The following KAZN variants were observed in gnomAD, a reference collection of about 807,000 sequenced individuals.
The protein encoded by KAZN is kazrin, periplakin interacting protein.
In KAZN, 40 loss-of-function variants were observed where a neutral mutation model predicts 87.4. The observed-to-expected ratio is 0.46, with a 90% CI of 0.36 to 0.60. KAZN has a LOEUF of 0.60. Ranked by LOEUF, KAZN falls within the 20% of genes least tolerant of loss-of-function variation. The probability of loss-of-function intolerance (pLI) is 0.00; values close to 1 mark genes in which losing one functional copy is unlikely to be tolerated. For missense variants in KAZN, 898 were observed against 1,073.9 expected, an observed-to-expected ratio of 0.84 and a Z score of 2.29; for synonymous variants, 466 against 458.3, an observed-to-expected ratio of 1.02 and a Z score of -0.22.
intron 1 of KAZN, among the ~76,000 whole-genome samples, chr1:14,121,297 A>T (rs939762137): frequency 5.9e-5 from 9 of 152,250 alleles, no homozygotes; most frequent in African/African-American, 2.2e-4. Flanking sequence ...CAGCTAACTC[A>T]TCACTACGGT....
chr1:14,560,201 A>T (rs1243443932), intron 2 of KAZN, among the ~76,000 whole-genome samples: 1 of 152,192 alleles, frequency 6.6e-6, no homozygotes, highest in Non-Finnish European at 1.5e-5. Context: ...ATCCCAAAGT[A>T]TGACAATTAG....
intron 2 of KAZN, among the ~76,000 whole-genome samples, chr1:15,014,883 T>C (rs1192952847): frequency 6.6e-6 from 1 of 152,130 alleles, no homozygotes; most frequent in Non-Finnish European, 1.5e-5. Flanking sequence ...CCAGTTGTTT[T>C]CTCGGGTCAT....
chr1:14,571,195 A>G (rs1674842792), intron 2 of KAZN, among the ~76,000 whole-genome samples: 1 of 151,654 alleles, frequency 6.6e-6, no homozygotes, highest in African/African-American at 2.4e-5. Context: ...AGAATTCAAA[A>G]CTAAGAACTG....
intron 1 of KAZN, among the ~76,000 whole-genome samples, chr1:14,629,559 C>T (rs1316799304): frequency 6.6e-6 from 1 of 152,218 alleles, no homozygotes; most frequent in African/African-American, 2.4e-5. Context: ...TTCTTTGCTC[C>T]CTCCGGTTTC....
chr1:14,182,475 C>T (rs531971655), intron 2 of KAZN, among the ~76,000 whole-genome samples: 17 of 152,174 alleles, frequency 1.1e-4, no homozygotes, highest in Admixed American at 7.2e-4. Context: ...CTTCTAAAAC[C>T]GCTAACTTTT....
intron 1 of KAZN, among the ~76,000 whole-genome samples, chr1:14,028,829 T>C (rs1641197245): frequency 6.6e-6 from 1 of 152,104 alleles, no homozygotes; most frequent in Admixed American, 6.5e-5. Context: ...CTGCATAGTA[T>C]TCCATGGTGT....
intron 1 of KAZN, among the ~76,000 whole-genome samples, chr1:14,117,716 C>G (rs1644658725): frequency 6.6e-6 from 1 of 152,168 alleles, no homozygotes; most frequent in Non-Finnish European, 1.5e-5. Flanking sequence ...GGCCATGTCA[C>G]TTAGCCTCTC....
At chr1:14,399,499 C>G (rs903124331) in intron 2 of KAZN, among the ~76,000 whole-genome samples, 6 of 147,084 alleles carry the variant, frequency 4.1e-5, no homozygotes, top group African/African-American at 1.5e-4. Context: ...AAAAAGACAT[C>G]TAGGACTCTC....
chr1:15,048,106 G>A (rs893720063), intron 4 of KAZN, among the ~76,000 whole-genome samples: 5 of 152,198 alleles, frequency 3.3e-5, no homozygotes, highest in Admixed American at 3.3e-4. Flanking sequence ...TGCCAAGTGA[G>A]GGGTGAGCAG....
chr1:15,055,198 C>T (rs4661570), intron 4 of KAZN, among the ~76,000 whole-genome samples: 16,884 of 152,188 alleles, frequency 0.11, 1,700 homozygotes, highest in East Asian at 0.6. Flanking sequence ...TTCCTGGGGC[C>T]GGGCGCAGTG....
intron 1 of KAZN, among the ~76,000 whole-genome samples, chr1:14,169,832 CAGAG>C (rs1463160034): frequency 3.3e-5 from 5 of 152,080 alleles, no homozygotes; most frequent in Non-Finnish European, 7.3e-5. Flanking sequence ...CTCCATGTGA[CAGAG>C]AGAAAAGTGA....
chr1:15,009,951 C>A (rs1005011133), intron 2 of KAZN, among the ~76,000 whole-genome samples: 7 of 145,936 alleles, frequency 4.8e-5, no homozygotes, highest in Non-Finnish European at 6.1e-5. Flanking sequence ...AGAAACATAA[C>A]CTCCAAACTA....
At chr1:14,397,029 G>C (rs1343726019) in intron 2 of KAZN, among the ~76,000 whole-genome samples, 1 of 152,090 alleles carries the variant, frequency 6.6e-6, no homozygotes, top group African/African-American at 2.4e-5. Context: ...GATTTTGAAA[G>C]TTTGTTTCTC....
rs554357831 is a variant in KAZN, at chr1:14,514,272, C to G, written c.250-84711C>G. ...CCCGGGAGGCGGAGCTTGCAGTAAG[C>G]TGAGATCGCGCCACTGCACTCCAGC... is the stretch of plus-strand genomic sequence containing the variant. On this transcript the variant is annotated intron_variant, in intron 2 of 16. Coordinates refer to the KAZN transcript ENST00000636203. Among the ~76,000 whole-genome samples, 183 of 127,704 alleles carry G rather than the reference C, an allele frequency of 1.4e-3. 1 individual carries two copies. The highest frequency in any genetic ancestry group is 5.2e-3 in the African/African-American group (176 of 33,782). 83.8% of individuals were successfully genotyped at this position (127,704 alleles called of 152,430 possible). A position where few individuals can be genotyped will look rare whatever the true frequency, so the allele number is the denominator to read the frequency against.
In KAZN at chr1:15,096,554, G is replaced by A. The variant is rs1640813567; in HGVS notation, c.1547+1621G>A. 6.6e-6 allele frequency among the ~76,000 whole-genome samples: 1 copy of A among 152,154 alleles called. No individual in the cohort carries two copies. The highest frequency in any genetic ancestry group is 6.5e-5 in the Admixed American group (1 of 15,282). On this transcript the variant is annotated intron_variant, in intron 10 of 14. Transcript: ENST00000376030. The surrounding 1 kb of genome is among the most constrained non-coding windows in gnomAD (Gnocchi z 4.5). ...AATGGGGCTGTCTTAGTCTGCTTGG[G>A]CTGCCATAACAAAATGACACCATCT... is the stretch of plus-strand genomic sequence containing the variant.
intron 1 of KAZN, among the ~76,000 whole-genome samples, chr1:14,631,797 C>T (rs1199978857): frequency 6.6e-6 from 1 of 152,160 alleles, no homozygotes; most frequent in African/African-American, 2.4e-5. Flanking sequence ...AGGAAGCTCT[C>T]GGGTGAAATG....
intron 1 of KAZN, among the ~76,000 whole-genome samples, chr1:14,704,465 T>C (rs536599943): frequency 6.6e-6 from 1 of 152,328 alleles, no homozygotes; most frequent in South Asian, 2.1e-4. Flanking sequence ...TATTTTTCTG[T>C]ATAACCAAAA....
intron 1 of KAZN, among the ~76,000 whole-genome samples, chr1:13,948,865 A>C (rs1641242790): frequency 6.6e-6 from 1 of 152,070 alleles, no homozygotes. Context: ...GCCCCTTCCC[A>C]TGTTACAGAC....
At chr1:14,233,138 A>T (rs1648027228) in intron 2 of KAZN, among the ~76,000 whole-genome samples, 1 of 147,364 alleles carries the variant, frequency 6.8e-6, no homozygotes, top group South Asian at 2.1e-4. Flanking sequence ...AAATTCTTTT[A>T]TTTTTTTTTT....
Sources: gnomAD v4.1 joint callset for allele counts (sites outside exome capture counted in the v4.1 genomes callset) on GRCh38, gnomAD v4.1.1 for gene constraint, Gnocchi (gnomAD v3.1) non-coding constraint, MANE v1.5 for transcripts, NCBI Gene and HGNC (gene_info 2026-07-23, HGNC 2026-07-21) for gene names.